Variants in ACER2 observed in about 807,000 individuals in gnomAD.
The protein encoded by ACER2 is alkaline ceramidase 2, also known as alkCDase 2.
Under a neutral mutation model 34.7 loss-of-function variants are expected in ACER2, and 26 were observed. The observed-to-expected ratio is 0.75, with a 90% CI of 0.55 to 1.04. The LOEUF (loss-of-function observed/expected upper bound fraction) is 1.04. Ranked by LOEUF, ACER2 falls within the 50% of genes least tolerant of loss-of-function variation. The probability of loss-of-function intolerance (pLI) is 0.00; values close to 1 mark genes in which losing one functional copy is unlikely to be tolerated. For synonymous variants in ACER2, 138 were observed against 132.1 expected, an observed-to-expected ratio of 1.04 and a Z score of -0.31; for missense variants, 352 against 340.8, an observed-to-expected ratio of 1.03 and a Z score of -0.26.
At chr9:19,439,972 C>T (rs1268877547) in intron 4 of ACER2, among the ~76,000 whole-genome samples, 1 of 152,042 alleles carries the variant, frequency 6.6e-6, no homozygotes, top group South Asian at 2.1e-4. Flanking sequence ...AAGACTCCAT[C>T]CCCCCGCCCC....
intron 1 of ACER2, chr9:19,409,646 G>C (rs904664610): frequency 1.4e-6 from 1 of 710,152 alleles, no homozygotes. Context: ...GCCCCCCGCA[G>C]GTCCCCGCGG....
chr9:19,422,139 TATA>T (rs1447768803), intron 1 of ACER2, among the ~76,000 whole-genome samples: 2 of 149,572 alleles, frequency 1.3e-5, no homozygotes, highest in Admixed American at 1.3e-4. Context: ...AAAAAAAAAT[TATA>T]ATAATAAATA....
At chr9:19,423,822 C>A in intron 1 of ACER2, 40 bp from the exon 2 acceptor site, 1 of 1,528,732 alleles carries the variant, frequency 6.5e-7, no homozygotes, top group Non-Finnish European at 9.1e-7. Flanking sequence ...GCCCTTTTTA[C>A]TTAATACTCA....
intron 3 of ACER2, among the ~76,000 whole-genome samples, chr9:19,427,107 TGTCTTGACTC>T (rs1056124820): frequency 1.5e-4 from 23 of 152,302 alleles, no homozygotes; most frequent in African/African-American, 5.1e-4. Flanking sequence ...CTGTATGACT[TGTCTTGACTC>T]TTTCTATTTC....
chr9:19,409,259 T>C, intron 1 of ACER2, 67 bp downstream of exon 1: 1 of 1,475,132 alleles, frequency 6.8e-7, no homozygotes, highest in African/African-American at 1.4e-5. Context: ...CGCCGCAGCG[T>C]CTGGAAGCTG....
At chr9:19,433,755 C>A (rs1044954473) in intron 3 of ACER2, among the ~76,000 whole-genome samples, 78 of 152,086 alleles carry the variant, frequency 5.1e-4, no homozygotes, top group Non-Finnish European at 1.1e-3. Context: ...CCCTCACCTC[C>A]CGGATGGGGC....
rs1479600868 is a variant in ACER2, at chr9:19,409,038, G to A, written c.-47G>A. 1.3e-6 allele frequency: 2 copies of A among 1,494,994 alleles called. No homozygotes were observed. Among genetic ancestry groups the A allele is most frequent in the Non-Finnish European group, 1.8e-6 (2 of 1,112,724 alleles). The allele number at this position is 1,494,994 out of a possible 1,614,324, so 92.6% of individuals were successfully genotyped here. Reference sequence around the variant, plus strand: ...CGTTTTGCCTCCGCAGCAGCTCTGGGCTCTTCTCAGCTGCGCGAGCAGCTG... The same window carrying A: ...CGTTTTGCCTCCGCAGCAGCTCTGGACTCTTCTCAGCTGCGCGAGCAGCTG... On this transcript the variant is annotated 5_prime_UTR_variant, in exon 1 of 6. Coordinates refer to ENST00000340967, the MANE Select transcript of ACER2 (RefSeq NM_001010887.3).
chr9:19,418,537 GT>G (rs1745017250), intron 1 of ACER2, among the ~76,000 whole-genome samples: 1 of 152,200 alleles, frequency 6.6e-6, no homozygotes, highest in Non-Finnish European at 1.5e-5. Context: ...ATGAGTTCAT[GT>G]CCTTTGCAGG....
intron 4 of ACER2, among the ~76,000 whole-genome samples, chr9:19,438,455 G>A (rs754113364): frequency 4.6e-5 from 7 of 152,186 alleles, no homozygotes; most frequent in Non-Finnish European, 8.8e-5. Flanking sequence ...CTTCTCTGCC[G>A]TGTTTGTGGA....
rs1337770083 is a variant in ACER2 at position 19,449,911 on chromosome 9, A to AAAAT, written c.642-539_642-538insAAAT. Among the ~76,000 whole-genome samples the AAAAT allele has an allele frequency of 8.3e-4, 122 of 147,856 alleles. 1 individual carries two copies. The highest frequency in any genetic ancestry group is 3.5e-3 in the Middle Eastern group (1 of 286). On this transcript the variant is annotated intron_variant, in intron 5 of 5. Transcript: ENST00000340967. The stretch of plus-strand genomic sequence containing the variant: ...CATTTAAAAAAAAAAAAAAAAAAAA[A>AAAAT]GGATTACATGCTTTTAAATGGTCTA...
At position 19,424,039 on chromosome 9, in the gene ACER2, C is replaced by T. The variant is rs1156620403; in HGVS notation, c.223+63C>T. ...TGGTGGGATGGGGGTAGAAGGAATT[C>T]CACACACTTCCTCTCCCCTTTGAAC... On this transcript the variant is annotated intron_variant, in intron 2 of 5. Coordinates refer to ENST00000340967, the MANE Select transcript of ACER2 (RefSeq NM_001010887.3). The T allele has an allele frequency of 3.2e-6, 4 of 1,256,472 alleles. No homozygotes were observed. The East Asian group carries it at 9.3e-5, about 29-fold the overall frequency. The allele number at this position is 1,256,472 out of a possible 1,614,324, so 77.8% of individuals were successfully genotyped here.
At position 19,424,739 on chromosome 9, in the gene ACER2, T is replaced by C; in HGVS notation, c.263T>C (p.Leu88Ser). ...SVYFHATLSF[L>S]GQMLDELAVL... is the part of the protein sequence containing the mutation. ...TACTTCCATGCAACCCTTAGTTTCT[T>C]GGGTCAGATGCTTGATGAACTTGCA... The change falls in exon 3 of 6, where the codon TTG becomes TCG. Residue 88 changes from leucine (L) to serine (S), a missense_variant. Transcript: ENST00000340967. 6.2e-7 allele frequency: 1 copy of C among 1,614,142 alleles called. No homozygotes were observed. The highest frequency in any genetic ancestry group is 8.5e-7 in the Non-Finnish European group (1 of 1,180,034).
intron 4 of ACER2, among the ~76,000 whole-genome samples, chr9:19,440,234 G>A (rs1055659439): frequency 6.6e-6 from 1 of 151,902 alleles, no homozygotes; most frequent in African/African-American, 2.4e-5. Flanking sequence ...ACTACCTCTC[G>A]GCAGCTCCTT....
intron 4 of ACER2, 147 bp from the exon 5 acceptor site, chr9:19,446,134 T>C (rs764988191): frequency 1.8e-6 from 2 of 1,115,266 alleles, no homozygotes; most frequent in Non-Finnish European, 2.7e-6. Context: ...TCCATGAGAC[T>C]GTGGAGTGAC....
At chr9:19,414,663 C>A (rs1830188894) in intron 1 of ACER2, among the ~76,000 whole-genome samples, 1 of 152,074 alleles carries the variant, frequency 6.6e-6, no homozygotes, top group African/African-American at 2.4e-5. Context: ...ATTAGCTGGA[C>A]ATGATGGCAC....
rs1350008413 is a variant in ACER2 at position 19,450,597 on chromosome 9, C to G, written c.789C>G (p.Leu263=). The part of the protein sequence containing the change: ...WAFIGVPYVS[L]LCANKKSSVK... ...TCATTGGTGTCCCCTATGTGTCCCT[C>G]CTGTGTGCCAACAAGAAATCATCAG... Residue 263 remains leucine, a synonymous_variant, in exon 6 of 6, where the codon CTC becomes CTG. Coordinates refer to ENST00000340967, the MANE Select transcript of ACER2 (RefSeq NM_001010887.3). The G allele has an allele frequency of 6.3e-7, 1 of 1,587,212 alleles. No individual in the cohort carries two copies. The highest frequency in any genetic ancestry group is 8.6e-7 in the Non-Finnish European group (1 of 1,158,330).
chr9:19,416,060 C>CT (rs10645109), intron 1 of ACER2, among the ~76,000 whole-genome samples: 44,085 of 144,898 alleles, frequency 0.3, 7,123 homozygotes, highest in African/African-American at 0.42. Context: ...AACTTTATTC[C>CT]TTTTTTTTTT....
In ACER2 at chr9:19,448,057, A is replaced by G. The variant is rs1249462930; in HGVS notation, c.641+1639A>G. Among the ~76,000 whole-genome samples the G allele has an allele frequency of 3.9e-5, 5 of 127,666 alleles. No individual in the cohort carries two copies. In the Admixed American group the frequency reaches 4.9e-4, roughly 12 times the overall value. The allele number at this position is 127,666 out of a possible 152,430, so 83.8% of individuals were successfully genotyped here. A position where few individuals can be genotyped will look rare whatever the true frequency, so the allele number is the denominator to read the frequency against. Reference sequence around the variant, plus strand: ...AGTCTCACTCTGTTGCCCAGGCTGGAGTGCAGTGGGGTGATCTTGGCTCAC... The same window carrying G: ...AGTCTCACTCTGTTGCCCAGGCTGGGGTGCAGTGGGGTGATCTTGGCTCAC... On this transcript the variant is annotated intron_variant, in intron 5 of 5. Coordinates refer to ENST00000340967, the MANE Select transcript of ACER2 (RefSeq NM_001010887.3).
intron 4 of ACER2, among the ~76,000 whole-genome samples, chr9:19,445,413 A>G (rs1563892121): frequency 1.3e-5 from 2 of 152,254 alleles, no homozygotes; most frequent in African/African-American, 4.8e-5. Context: ...GAAACACATA[A>G]GTGAAACACA....
Sources: allele counts gnomAD v4.1 joint callset (sites outside exome capture counted in the v4.1 genomes callset), GRCh38; gene constraint gnomAD v4.1.1; transcripts MANE v1.5; gene names NCBI Gene and HGNC (gene_info 2026-07-23, HGNC 2026-07-21).